AOPEP: variants seen among roughly 807,000 people sequenced by gnomAD.
AOPEP encodes the protein aminopeptidase O (putative).
Under a neutral mutation model 98.1 loss-of-function variants are expected in AOPEP, and 77 were observed. That is an observed-to-expected ratio of 0.78 (90% confidence interval 0.65 to 0.95). AOPEP has a LOEUF of 0.95. Among genes scored for constraint, AOPEP ranks in the 40% least tolerant of loss-of-function variants. The pLI, the probability that AOPEP is intolerant of heterozygous loss-of-function variation, is 0.00. For missense variants in AOPEP, 1,024 were observed against 1,024.7 expected (o/e 1.00, Z 0.01); for synonymous variants, 346 against 365.3 (o/e 0.95, Z 0.60).
intron 13 of AOPEP, among the ~76,000 whole-genome samples, chr9:95,049,716 T>A (rs1019229248): frequency 2.6e-5 from 4 of 152,216 alleles, no homozygotes; most frequent in Admixed American, 6.5e-5. Flanking sequence ...TAAACAAATT[T>A]CCTGAAGTCT....
intron 7 of AOPEP, among the ~76,000 whole-genome samples, chr9:94,944,115 CAGTG>C (rs2057357917): frequency 6.6e-6 from 1 of 152,050 alleles, no homozygotes; most frequent in Non-Finnish European, 1.5e-5. Flanking sequence ...TAATAAAAAT[CAGTG>C]AGGACTTGGA....
At chr9:94,842,147 A>G (rs191517949) in intron 5 of AOPEP, among the ~76,000 whole-genome samples, 189 of 152,276 alleles carry the variant, frequency 1.2e-3, no homozygotes, top group African/African-American at 4.5e-3. Flanking sequence ...GGATCACTTG[A>G]GGTCAGGAGT....
intron 5 of AOPEP, among the ~76,000 whole-genome samples, chr9:94,847,334 A>G (rs1043270897): frequency 3.3e-5 from 5 of 152,008 alleles, no homozygotes; most frequent in South Asian, 2.1e-4. Flanking sequence ...AGGAGTTTGG[A>G]TCTCATTCTT....
At chr9:95,085,692 T>G (rs538233847) in intron 16 of AOPEP, among the ~76,000 whole-genome samples, 1 of 152,346 alleles carries the variant, frequency 6.6e-6, no homozygotes, top group South Asian at 2.1e-4. Flanking sequence ...CTGGGAATGC[T>G]AGCCATGTAC....
chr9:95,041,539 T>A (rs973099343), intron 13 of AOPEP, among the ~76,000 whole-genome samples: 1 of 151,802 alleles, frequency 6.6e-6, no homozygotes, highest in African/African-American at 2.4e-5. Context: ...ACCATATGTG[T>A]TGAATTGAAC....
chr9:94,909,953 G>A (rs1002922287), intron 5 of AOPEP, among the ~76,000 whole-genome samples: 4 of 152,126 alleles, frequency 2.6e-5, no homozygotes, highest in African/African-American at 9.7e-5. Context: ...TCTGGATCGA[G>A]TGTCTGGGGA....
chr9:94,878,352 G>C (rs1258455652), intron 5 of AOPEP, among the ~76,000 whole-genome samples: 4 of 150,686 alleles, frequency 2.7e-5, no homozygotes, highest in Non-Finnish European at 5.9e-5. Context: ...TTTGTGTTGT[G>C]AGATGTGGAC....
At chr9:94,796,194 T>A (rs1469618515) in intron 4 of AOPEP, among the ~76,000 whole-genome samples, 2 of 152,234 alleles carry the variant, frequency 1.3e-5, no homozygotes, top group African/African-American at 4.8e-5. Flanking sequence ...CGTCTTTCCA[T>A]GGAACTGTGA....
intron 7 of AOPEP, among the ~76,000 whole-genome samples, chr9:94,939,077 A>G (rs1207918040): frequency 6.6e-6 from 1 of 152,046 alleles, no homozygotes; most frequent in Non-Finnish European, 1.5e-5. Flanking sequence ...GTGAAACCAC[A>G]TCTCTACTAA....
intron 1 of AOPEP, among the ~76,000 whole-genome samples, chr9:94,729,589 A>G (rs571578707): frequency 2.4e-4 from 37 of 151,432 alleles, no homozygotes; most frequent in African/African-American, 8.5e-4. Flanking sequence ...AAAAAAAAAA[A>G]AAAGAAAGAA....
the AOPEP span, chr9:95,111,349 T>G: frequency 6.3e-7 from 1 of 1,598,196 alleles, no homozygotes; most frequent in Admixed American, 1.7e-5. Flanking sequence ...ATGCCATCTG[T>G]GGGCAGAGCT....
chr9:95,082,985 T>C, intron 16 of AOPEP: 1 of 429,962 alleles, frequency 2.3e-6, no homozygotes, highest in Non-Finnish European at 4.2e-6. Flanking sequence ...TCCTTGGCAC[T>C]ATTTTGGCCA....
intron 3 of AOPEP, among the ~76,000 whole-genome samples, chr9:94,790,328 G>A (rs2133396099): frequency 6.6e-6 from 1 of 151,598 alleles, no homozygotes; most frequent in Non-Finnish European, 1.5e-5. Context: ...CATCACACCT[G>A]GCTAATTTTT....
chr9:95,024,574 T>C (rs1263312475), intron 13 of AOPEP, among the ~76,000 whole-genome samples: 2 of 152,312 alleles, frequency 1.3e-5, no homozygotes, highest in East Asian at 3.9e-4. Context: ...GAGCTGGCAG[T>C]AGTTTTGTAC....
the AOPEP span, chr9:95,114,372 C>T: frequency 9.7e-6 from 5 of 517,738 alleles, no homozygotes; most frequent in South Asian, 8.0e-5. Flanking sequence ...AATCTAAAAC[C>T]AGACGTTAAT....
At chr9:95,040,134 G>GCACA (rs1302605363) in intron 13 of AOPEP, among the ~76,000 whole-genome samples, 1 of 152,300 alleles carries the variant, frequency 6.6e-6, no homozygotes, top group South Asian at 2.1e-4. Flanking sequence ...GAGAGAGGAG[G>GCACA]CACACAGTCA....
the AOPEP span, chr9:95,107,292 G>A: frequency 6.2e-7 from 1 of 1,608,544 alleles, no homozygotes; most frequent in Non-Finnish European, 8.5e-7. Context: ...ATTTCACAGG[G>A]GAGAGGTTAG....
At chr9:95,008,935 C>T (rs927173096) in intron 13 of AOPEP, among the ~76,000 whole-genome samples, 1 of 152,166 alleles carries the variant, frequency 6.6e-6, no homozygotes, top group Non-Finnish European at 1.5e-5. Context: ...CAAAACTCAC[C>T]TCTTCTACTT....
chr9:94,744,907 T>C (rs1486990924), intron 1 of AOPEP, among the ~76,000 whole-genome samples: 1 of 151,740 alleles, frequency 6.6e-6, no homozygotes, highest in African/African-American at 2.4e-5. Flanking sequence ...TGACTTCTCA[T>C]TTTCATTGAG....
Sources: gnomAD v4.1 joint callset for allele counts (sites outside exome capture counted in the v4.1 genomes callset) on GRCh38, gnomAD v4.1.1 for gene constraint, MANE v1.5 for transcripts, NCBI Gene and HGNC (gene_info 2026-07-23, HGNC 2026-07-21) for gene names.